The following LRCH4 variants were observed in gnomAD, a reference collection of about 807,000 sequenced individuals.
LRCH4 encodes the protein leucine-rich repeat and calponin homology domain-containing protein 4.
LRCH4 carries 56 observed loss-of-function variants against 81.2 expected under a neutral mutation model. That is an observed-to-expected ratio of 0.69 (90% CI 0.56 to 0.86). LRCH4 has a LOEUF of 0.86. LRCH4 is among the 40% of genes least tolerant of loss of function. The pLI, the probability that LRCH4 is intolerant of heterozygous loss-of-function variation, is 0.00. For synonymous variants in LRCH4, 442 were observed against 409.7 expected (o/e 1.08, Z -0.95); for missense variants, 895 against 922.8 (o/e 0.97, Z 0.39).
At chr7:100,585,155 C>G (rs955975227) in intron 1 of LRCH4, 1 of 194,778 alleles carries the variant, frequency 5.1e-6, no homozygotes, top group Non-Finnish European at 1.1e-5. Context: ...GTCCCTCCCC[C>G]GGGGGAAAGC....
chr7:100,578,957 T>C lies in LRCH4; in HGVS notation c.599-171A>G. The C allele has an allele frequency of 1.5e-6, 1 of 659,078 alleles. No individual in the cohort carries two copies. The highest frequency in any genetic ancestry group is 2.6e-6 in the Non-Finnish European group (1 of 389,738). 40.8% of individuals were successfully genotyped at this position (659,078 alleles called of 1,614,324 possible). A position where few individuals can be genotyped will look rare whatever the true frequency, so the allele number is the denominator to read the frequency against. ...AAACCTCCCTGCTCCTCTCTCCACA[T>C]GATTCTGGTCCACGGTCTAAGCGAG... On this transcript the variant is annotated intron_variant, in intron 4 of 17. Transcript: ENST00000310300. This position sits in a 1 kb window ranked among gnomAD's most constrained non-coding sequence, Gnocchi z 5.7.
chr7:100,585,831 G>A lies in LRCH4; in HGVS notation c.220+50C>T, dbSNP rs755288991. Reference sequence around the variant, plus strand: ...CCGGGCCGGGCGGGGCCCGGGGTGGGGCTATGCAAATGAGGGACCCGGTTG... The same window carrying A: ...CCGGGCCGGGCGGGGCCCGGGGTGGAGCTATGCAAATGAGGGACCCGGTTG... On this transcript the variant is annotated intron_variant, in intron 1 of 17. Coordinates refer to ENST00000310300, the MANE Select transcript of LRCH4 (RefSeq NM_002319.5). 2.0e-6 allele frequency: 3 copies of A among 1,500,916 alleles called. No homozygotes were observed. The South Asian group carries it at 3.9e-5, about 20-fold the overall frequency. 93.0% of individuals were successfully genotyped at this position (1,500,916 alleles called of 1,614,324 possible). A position where few individuals can be genotyped will look rare whatever the true frequency, so the allele number is the denominator to read the frequency against.
In LRCH4 at chr7:100,577,800, C is replaced by T; in HGVS notation, c.1039+22G>A. 6.2e-7 allele frequency: 1 copy of T among 1,613,916 alleles called. No homozygotes were observed. Among genetic ancestry groups the T allele is most frequent in the Non-Finnish European group, 8.5e-7 (1 of 1,179,824 alleles). On this transcript the variant is annotated intron_variant, in intron 8 of 17. Transcript: ENST00000310300. This position sits in a 1 kb window ranked among gnomAD's most constrained non-coding sequence, Gnocchi z 6.7. ...ACCCAGGCCCTGGTCCAGCCCAGCTCCCGGCCAGCCCTGCTACTCACCTGA... is the reference window on the plus strand; with the variant it reads ...ACCCAGGCCCTGGTCCAGCCCAGCTTCCGGCCAGCCCTGCTACTCACCTGA...
chr7:100,581,933 A>T (rs781724565), intron 3 of LRCH4, 51 bp from the exon 4 acceptor site: 60 of 1,610,160 alleles, frequency 3.7e-5, no homozygotes, highest in Non-Finnish European at 4.7e-5. Context: ...GCCCAGCAGA[A>T]CCCACCCTCC....
rs761495195 is a variant in LRCH4 at position 100,575,980 on chromosome 7, A to G, written c.1667T>C (p.Leu556Pro). Reference sequence around the variant, plus strand: ...CAGAGCCTCGGCCAGGTCCTCAGGCAGGGGCCGCTGCAGCCGGGACTCAAG... The same window carrying G: ...CAGAGCCTCGGCCAGGTCCTCAGGCGGGGGCCGCTGCAGCCGGGACTCAAG... Reference protein sequence around the residue: ...QVLESRLQRPLPEDLAEALAS... With the variant: ...QVLESRLQRPPPEDLAEALAS... Residue 556 changes from leucine (L) to proline (P), a missense_variant, in exon 16 of 18, where the codon CTG becomes CCG. Transcript: ENST00000310300. This position sits in a 1 kb window ranked among gnomAD's most constrained non-coding sequence, Gnocchi z 5.3. 1.9e-6 allele frequency: 3 copies of G among 1,607,804 alleles called. No homozygotes were observed. Among genetic ancestry groups the G allele is most frequent in the Admixed American group, 3.4e-5 (2 of 59,388 alleles).
Position 100,582,470 on chromosome 7 carries a change from GGAGGT to G in LRCH4, c.221-16_221-12del. The stretch of plus-strand genomic sequence containing the variant: ...GGTTCCGGGACAGGTCTGGGGAAAA[GGAGGT>G]GTCGGGGAGAGTTGCGGAAAGGCCC... On this transcript the variant is annotated splice_polypyrimidine_tract_variant and intron_variant, in intron 1 of 17. Coordinates refer to ENST00000310300, the MANE Select transcript of LRCH4 (RefSeq NM_002319.5). The surrounding 1 kb of genome is among the most constrained non-coding windows in gnomAD (Gnocchi z 5.0). 6.2e-7 allele frequency: 1 copy of G among 1,603,614 alleles called. No homozygotes were observed. Among genetic ancestry groups the G allele is most frequent in the Non-Finnish European group, 8.5e-7 (1 of 1,179,540 alleles).
At position 100,582,138 on chromosome 7, in the gene LRCH4, T is replaced by C; in HGVS notation, c.395A>G (p.Tyr132Cys). 2 of 1,612,988 alleles carry C rather than the reference T, an allele frequency of 1.2e-6. No individual in the cohort carries two copies. Among genetic ancestry groups the C allele is most frequent in the Non-Finnish European group, 1.7e-6 (2 of 1,179,872 alleles). The part of the protein sequence containing the change: ...SRNQLSLLPP[Y>C]ICQLPLRVLI... The stretch of plus-strand genomic sequence containing the variant: ...GACCCTCAGGGGCAGCTGGCAGATG[T>C]AGGGTGGCAGCAGCGACAGCTGGTT... Residue 132 changes from tyrosine to cysteine, a missense_variant, in exon 3 of 18, where the codon TAC becomes TGC. This residue lies in a region of LRCH4 where 360 missense variants were observed against 397.0 expected (regional missense o/e 0.91). Coordinates refer to ENST00000310300, the MANE Select transcript of LRCH4 (RefSeq NM_002319.5). This position sits in a 1 kb window ranked among gnomAD's most constrained non-coding sequence, Gnocchi z 5.0.
At position 100,585,849 on chromosome 7, in the gene LRCH4, C is replaced by G. The variant is rs201000177; in HGVS notation, c.220+32G>C. ...GGGGTGGGGCTATGCAAATGAGGGA[C>G]CCGGTTGGGCCCGGGGCCCGGCTGC... On this transcript the variant is annotated intron_variant, in intron 1 of 17. Coordinates refer to ENST00000310300, the MANE Select transcript of LRCH4 (RefSeq NM_002319.5). 234 of 1,529,100 alleles carry G rather than the reference C, an allele frequency of 1.5e-4. 2 individuals are homozygous for G. The East Asian group carries it at 4.9e-3, about 32-fold the overall frequency. The allele number at this position is 1,529,100 out of a possible 1,614,324, so 94.7% of individuals were successfully genotyped here. A position where few individuals can be genotyped will look rare whatever the true frequency, so the allele number is the denominator to read the frequency against.
chr7:100,576,599 TAC>T lies in LRCH4; in HGVS notation c.1552+93_1552+94del, dbSNP rs1801367621. ...ATTTTCAACGCAAAGGTACAAAAGG[TAC>T]AACAGACCCAGAGGGCTCCCAGGGC... On this transcript the variant is annotated intron_variant, in intron 14 of 17. Coordinates refer to ENST00000310300, the MANE Select transcript of LRCH4 (RefSeq NM_002319.5). The T allele has an allele frequency of 3.7e-6, 4 of 1,085,576 alleles. No individual in the cohort carries two copies. The African/African-American group carries it at 4.9e-5, about 13-fold the overall frequency. The allele number at this position is 1,085,576 out of a possible 1,614,324, so 67.2% of individuals were successfully genotyped here.
Position 100,582,333 on chromosome 7 carries a change from A to G in LRCH4, c.347T>C (p.Leu116Pro). 1.9e-6 allele frequency: 3 copies of G among 1,614,118 alleles called. No homozygotes were observed. Among genetic ancestry groups the G allele is most frequent in the Non-Finnish European group, 2.5e-6 (3 of 1,180,016 alleles). The change falls in exon 2 of 18, where the codon CTC (leucine) becomes CCC (proline). Residue 116 changes from leucine (L) to proline (P), a missense_variant. Physicochemically the swap from Leu to Pro is moderately conservative, Grantham distance 98. Transcript: ENST00000310300. This position sits in a 1 kb window ranked among gnomAD's most constrained non-coding sequence, Gnocchi z 5.0. ...LNPALGNLTA[L>P]TYLNLSRNQL... ...TCCCTACCTGAGGTTGAGGTAGGTG[A>G]GGGCTGTGAGATTCCCCAAGGCTGG...
In LRCH4 at chr7:100,578,535, A is replaced by G; in HGVS notation, c.736-24T>C. 6.2e-7 allele frequency: 1 copy of G among 1,606,604 alleles called. No individual in the cohort carries two copies. The highest frequency in any genetic ancestry group is 8.5e-7 in the Non-Finnish European group (1 of 1,174,882). On this transcript the variant is annotated intron_variant, in intron 5 of 17. Transcript: ENST00000310300. The surrounding 1 kb of genome is among the most constrained non-coding windows in gnomAD (Gnocchi z 5.7). ...ACCTGTGTGCGGGGCAGCACACGCC[A>G]GGGAGTTGGCAGGGAGGGCAGCTCC...
chr7:100,578,237 C>T lies in LRCH4; in HGVS notation c.870G>A (p.Pro290=), dbSNP rs140755961. The change falls in exon 7 of 18, where the codon CCG becomes CCA. Residue 290 remains proline (P), a synonymous_variant. Coordinates refer to ENST00000310300, the MANE Select transcript of LRCH4 (RefSeq NM_002319.5). This position sits in a 1 kb window ranked among gnomAD's most constrained non-coding sequence, Gnocchi z 5.7. ...FSPCPAEDLF[P]GHRYDGGLDS... is the part of the protein sequence containing the mutation. ...CCAGCCCACCATCGTACCGATGTCC[C>T]GGAAATAGATCCTCTGCAGGGCTGG... The T allele has an allele frequency of 2.9e-5, 47 of 1,614,094 alleles. No homozygotes were observed. The highest frequency in any genetic ancestry group is 3.6e-5 in the Non-Finnish European group (43 of 1,180,024).
chr7:100,575,808 T>C lies in LRCH4; in HGVS notation c.1777-26A>G, dbSNP rs1001627956. 6 of 1,606,092 alleles carry C rather than the reference T, an allele frequency of 3.7e-6. No homozygotes were observed. In the African/African-American group the frequency reaches 4.1e-5, roughly 11 times the overall value. ...CTGGGGTGGGTGAAAGAAGAAAATG[T>C]GGTAAGGGAGAGGCCACAGGCGCCC... On this transcript the variant is annotated intron_variant, in intron 16 of 17. Coordinates refer to ENST00000310300, the MANE Select transcript of LRCH4 (RefSeq NM_002319.5). The surrounding 1 kb of genome is among the most constrained non-coding windows in gnomAD (Gnocchi z 5.3).
chr7:100,577,071 T>C lies in LRCH4; in HGVS notation c.1364+15A>G. 2 of 1,614,074 alleles carry C rather than the reference T, an allele frequency of 1.2e-6. No homozygotes were observed. Among genetic ancestry groups the C allele is most frequent in the Non-Finnish European group, 1.7e-6 (2 of 1,179,968 alleles). On this transcript the variant is annotated intron_variant, in intron 12 of 17. Transcript: ENST00000310300. The surrounding 1 kb of genome is among the most constrained non-coding windows in gnomAD (Gnocchi z 6.7). ...AGGAAGAGGAGTGGGGAGGGGATGC[T>C]GGCAGGAAACCTACTTGTGCATGGC...
Position 100,577,667 on chromosome 7 carries a change from C to G in LRCH4, c.1113G>C (p.Val371=), listed in dbSNP as rs771252139. The change falls in exon 9 of 18, where the codon GTG becomes GTC. Residue 371 remains valine, a synonymous_variant. Coordinates refer to ENST00000310300, the MANE Select transcript of LRCH4 (RefSeq NM_002319.5). This position sits in a 1 kb window ranked among gnomAD's most constrained non-coding sequence, Gnocchi z 6.7. ...AGAGGCATAGCTGGGCTCTCACCTC[C>G]ACAGTGCCTCGCTCTTCATCCTCCC... ...VPGEDEERGT[V]EEQRPPELSP... is the part of the protein sequence containing the mutation. The G allele has an allele frequency of 6.2e-7, 1 of 1,613,764 alleles. No individual in the cohort carries two copies. The highest frequency in any genetic ancestry group is 1.7e-5 in the Admixed American group (1 of 60,036).
chr7:100,577,013 G>A lies in LRCH4; in HGVS notation c.1365-8C>T, dbSNP rs373483470. 17 of 1,613,606 alleles carry A rather than the reference G, an allele frequency of 1.1e-5. No individual in the cohort carries two copies. Among genetic ancestry groups the A allele is most frequent in the Non-Finnish European group, 1.4e-5 (17 of 1,179,564 alleles). ...CTGGACTTAGGCGAGCCGCTGAGGA[G>A]AGACAGAAGGGAATTAGAGGGATGA... On this transcript the variant is annotated splice_region_variant and splice_polypyrimidine_tract_variant and intron_variant, in intron 12 of 17. Coordinates refer to ENST00000310300, the MANE Select transcript of LRCH4 (RefSeq NM_002319.5). The surrounding 1 kb of genome is among the most constrained non-coding windows in gnomAD (Gnocchi z 6.7).
At chr7:100,581,318 G>A (rs1173378480) in intron 4 of LRCH4, among the ~76,000 whole-genome samples, 1 of 152,206 alleles carries the variant, frequency 6.6e-6, no homozygotes, top group Non-Finnish European at 1.5e-5. Context: ...GGACAATGAA[G>A]GTGTAATTCT....
Position 100,582,479 on chromosome 7 carries a change from G to T in LRCH4, c.221-20C>A. The T allele has an allele frequency of 1.9e-6, 3 of 1,600,384 alleles. No homozygotes were observed. Among genetic ancestry groups the T allele is most frequent in the Non-Finnish European group, 2.5e-6 (3 of 1,179,042 alleles). On this transcript the variant is annotated intron_variant, in intron 1 of 17. Coordinates refer to ENST00000310300, the MANE Select transcript of LRCH4 (RefSeq NM_002319.5). This position sits in a 1 kb window ranked among gnomAD's most constrained non-coding sequence, Gnocchi z 5.0. ...ACAGGTCTGGGGAAAAGGAGGTGTC[G>T]GGGAGAGTTGCGGAAAGGCCCAGCC...
rs766865065 is a variant in LRCH4, at chr7:100,575,740, A to G, written c.1819T>C (p.Phe607Leu). 1.9e-6 allele frequency: 3 copies of G among 1,613,620 alleles called. No homozygotes were observed. Among genetic ancestry groups the G allele is most frequent in the Non-Finnish European group, 1.7e-6 (2 of 1,179,752 alleles). The change falls in exon 17 of 18, where the codon TTT becomes CTT. Residue 607 changes from phenylalanine (F) to leucine (L), a missense_variant. Transcript: ENST00000310300. This position sits in a 1 kb window ranked among gnomAD's most constrained non-coding sequence, Gnocchi z 5.3. ...ALKARKNVES[F>L]LEACRKMGVP... ...CCCATTTTTCGACAGGCTTCTAGAA[A>G]ACTCTCCACATTCTTCCGAGCCTTG...
Sources: allele counts gnomAD v4.1 joint callset (sites outside exome capture counted in the v4.1 genomes callset), GRCh38; gene constraint gnomAD v4.1.1; regional missense constraint gnomAD v4.1.1; non-coding constraint Gnocchi (gnomAD v3.1); transcripts MANE v1.5; gene names NCBI Gene and HGNC (gene_info 2026-07-23, HGNC 2026-07-21).